The following CCDC141 variants were observed in gnomAD, a reference collection of about 807,000 sequenced individuals.
The protein encoded by CCDC141 is coiled-coil domain containing 141.
A neutral mutation model predicts 181.0 loss-of-function variants in CCDC141; 168 were observed. The observed-to-expected ratio is 0.93, with a 90% CI of 0.82 to 1.05. The LOEUF is 1.05. Ranked by LOEUF, CCDC141 falls within the 50% of genes least tolerant of loss-of-function variation. The pLI is 0.00. For missense variants in CCDC141, 1,902 were observed against 1,788.5 expected (o/e 1.06, Z -1.14); for synonymous variants, 666 against 642.3 (o/e 1.04, Z -0.56).
intron 6 of CCDC141, among the ~76,000 whole-genome samples, chr2:178,929,497 C>CT (rs948503833): frequency 2.0e-5 from 3 of 151,980 alleles, no homozygotes; most frequent in African/African-American, 4.8e-5. Flanking sequence ...TAAGTAGCTC[C>CT]TTTTTTAATA....
At chr2:179,015,003 A>G (rs563194644) in intron 2 of CCDC141, among the ~76,000 whole-genome samples, 1 of 146,562 alleles carries the variant, frequency 6.8e-6, no homozygotes, top group South Asian at 2.2e-4. Context: ...TCACAGTTGC[A>G]AAATCATGGA....
chr2:178,905,379 A>T lies in CCDC141; in HGVS notation c.1215T>A (p.Thr405=). 1 of 1,550,500 alleles carries T rather than the reference A, an allele frequency of 6.4e-7. No individual in the cohort carries two copies. Among genetic ancestry groups the T allele is most frequent in the East Asian group, 2.4e-5 (1 of 40,900 alleles). Reference sequence around the variant, plus strand: ...AGGTTTGTCCCTTTTGCAAAGCATCAGTTGTGCAGTCTTTAATTTTTCTGT... The same window carrying T: ...AGGTTTGTCCCTTTTGCAAAGCATCTGTTGTGCAGTCTTTAATTTTTCTGT... The part of the protein sequence containing the change: ...ELHRKIKDCT[T]DALQKGQTLI... Residue 405 remains threonine, a synonymous_variant, in exon 8 of 24, where the codon ACT becomes ACA. Coordinates refer to ENST00000443758, the MANE Select transcript of CCDC141 (RefSeq NM_173648.4).
intron 4 of CCDC141, among the ~76,000 whole-genome samples, chr2:178,974,471 G>C (rs1328668488): frequency 6.6e-6 from 1 of 152,166 alleles, no homozygotes; most frequent in Non-Finnish European, 1.5e-5. Context: ...AATTCTTGTA[G>C]AAAGGCTTGG....
At chr2:178,966,511 A>T (rs1399885242) in intron 4 of CCDC141, among the ~76,000 whole-genome samples, 2 of 152,184 alleles carry the variant, frequency 1.3e-5, no homozygotes, top group Non-Finnish European at 2.9e-5. Context: ...ACTCCAGCAG[A>T]CCTGCAGCAG....
At chr2:178,903,973 C>T (rs984353614) in intron 8 of CCDC141, among the ~76,000 whole-genome samples, 1 of 152,004 alleles carries the variant, frequency 6.6e-6, no homozygotes, top group Non-Finnish European at 1.5e-5. Context: ...CGACATGTAC[C>T]CCGAGTCCAG....
intron 15 of CCDC141, 140 bp from the exon 16 acceptor site, chr2:178,868,345 A>AGAATGTTGC: frequency 3.1e-6 from 2 of 643,438 alleles, no homozygotes; most frequent in Non-Finnish European, 5.3e-6. Context: ...TTAGCCAAAT[A>AGAATGTTGC]AATGTTAGAA....
At chr2:178,944,014 G>A (rs1219455084) in intron 6 of CCDC141, among the ~76,000 whole-genome samples, 1 of 152,136 alleles carries the variant, frequency 6.6e-6, no homozygotes, top group Non-Finnish European at 1.5e-5. Flanking sequence ...TCATAAAAGT[G>A]ATGACTCATA....
chr2:178,848,892 C>A (rs780216087), intron 21 of CCDC141, among the ~76,000 whole-genome samples: 5 of 151,958 alleles, frequency 3.3e-5, no homozygotes, highest in Non-Finnish European at 5.9e-5. Context: ...AAATATTAAT[C>A]ATTTCATATA....
At chr2:178,957,118 C>T (rs1690193927) in intron 5 of CCDC141, among the ~76,000 whole-genome samples, 1 of 152,192 alleles carries the variant, frequency 6.6e-6, no homozygotes, top group Non-Finnish European at 1.5e-5. Context: ...GGCAATCCAC[C>T]TGCCTCGGCC....
intron 22 of CCDC141, among the ~76,000 whole-genome samples, chr2:178,838,096 C>A (rs1368597621): frequency 6.6e-6 from 1 of 152,188 alleles, no homozygotes; most frequent in Non-Finnish European, 1.5e-5. Context: ...GCAAAGTCAG[C>A]TTAGGTCTGG....
chr2:178,950,566 C>T (rs756705383), intron 5 of CCDC141, among the ~76,000 whole-genome samples: 2 of 152,076 alleles, frequency 1.3e-5, no homozygotes, highest in South Asian at 2.1e-4. Context: ...AAATGTGGAT[C>T]GGGTTTCCAT....
At chr2:178,970,568 T>C (rs1690840083) in intron 4 of CCDC141, among the ~76,000 whole-genome samples, 1 of 152,224 alleles carries the variant, frequency 6.6e-6, no homozygotes, top group South Asian at 2.1e-4. Flanking sequence ...ACTAGCCATA[T>C]GCAGAAAACA....
rs1324571561 is a variant in CCDC141, at chr2:178,856,474, T to C, written c.2725-77A>G. 1.8e-5 allele frequency: 20 copies of C among 1,103,846 alleles called. No individual in the cohort carries two copies. In the East Asian group the frequency reaches 4.5e-4, roughly 25 times the overall value. 68.4% of individuals were successfully genotyped at this position (1,103,846 alleles called of 1,614,324 possible). ...GTCACTTGCAATAAATCAAAGCATC[T>C]GAACACTTCAAAATACTCATAATCT... is the stretch of plus-strand genomic sequence containing the variant. On this transcript the variant is annotated intron_variant, in intron 17 of 23. Transcript: ENST00000443758.
intron 2 of CCDC141, among the ~76,000 whole-genome samples, chr2:179,042,688 G>A (rs1347083930): frequency 6.6e-6 from 1 of 152,146 alleles, no homozygotes; most frequent in Admixed American, 6.6e-5. Context: ...AGACACAATG[G>A]ACCGGAATCT....
chr2:178,880,982 C>T (rs1686576535), intron 11 of CCDC141, among the ~76,000 whole-genome samples: 1 of 152,130 alleles, frequency 6.6e-6, no homozygotes, highest in Non-Finnish European at 1.5e-5. Context: ...GAGCTCATGA[C>T]AGTTGGGGCT....
At chr2:179,003,416 T>C (rs2042038101) in intron 2 of CCDC141, among the ~76,000 whole-genome samples, 1 of 152,228 alleles carries the variant, frequency 6.6e-6, no homozygotes, top group African/African-American at 2.4e-5. Context: ...TTACTTTTTC[T>C]CACTAGGCCT....
intron 2 of CCDC141, among the ~76,000 whole-genome samples, chr2:178,980,969 G>A (rs1217047502): frequency 6.6e-6 from 1 of 152,150 alleles, no homozygotes; most frequent in South Asian, 2.1e-4. Flanking sequence ...TCTACACAGA[G>A]AATATTTTAG....
intron 2 of CCDC141, among the ~76,000 whole-genome samples, chr2:178,981,545 T>C (rs1366380450): frequency 6.7e-6 from 1 of 148,484 alleles, no homozygotes; most frequent in Middle Eastern, 3.3e-3. Flanking sequence ...TTGAACTAAA[T>C]GAGAAAATGA....
chr2:178,978,438 C>A, intron 3 of CCDC141, 46 bp downstream of exon 3: 1 of 1,210,602 alleles, frequency 8.3e-7, no homozygotes, highest in South Asian at 2.4e-5. Flanking sequence ...GAGTGCTATT[C>A]ATTTGCTCTG....
Sources: gnomAD v4.1 joint callset for allele counts (sites outside exome capture counted in the v4.1 genomes callset) on GRCh38, gnomAD v4.1.1 for gene constraint, MANE v1.5 for transcripts, NCBI Gene and HGNC (gene_info 2026-07-23, HGNC 2026-07-21) for gene names.